The following FHIT variants were observed in gnomAD, a reference collection of about 807,000 sequenced individuals.
FHIT encodes the protein fragile histidine triad diadenosine triphosphatase.
Under a neutral mutation model 17.9 loss-of-function variants are expected in FHIT, and 19 were observed. The observed-to-expected ratio is 1.06, with a 90% CI of 0.74 to 1.56. The LOEUF is 1.56. Among genes scored for constraint, FHIT ranks in the 40% most tolerant of loss-of-function variants. FHIT has a pLI of 0.00. For missense variants in FHIT, 248 were observed against 189.2 expected, an observed-to-expected ratio of 1.31 and a Z score of -1.82; for synonymous variants, 81 against 69.7, an observed-to-expected ratio of 1.16 and a Z score of -0.81.
chr3:60,587,301 T>C (rs2037938442), intron 4 of FHIT, among the ~76,000 whole-genome samples: 1 of 151,902 alleles, frequency 6.6e-6, no homozygotes, highest in African/African-American at 2.4e-5. Context: ...AGCTGAACAA[T>C]GAGAACACAT....
At chr3:60,521,609 A>G (rs753250581) in intron 5 of FHIT, among the ~76,000 whole-genome samples, 1 of 152,198 alleles carries the variant, frequency 6.6e-6, no homozygotes, top group Non-Finnish European at 1.5e-5. Context: ...TCTGACTTCC[A>G]TATCACCTTG....
chr3:61,081,348 T>A (rs1023887381), intron 2 of FHIT, among the ~76,000 whole-genome samples: 1 of 152,188 alleles, frequency 6.6e-6, no homozygotes, highest in African/African-American at 2.4e-5. Flanking sequence ...CAGCCCTCTC[T>A]GAAATGCTTT....
At chr3:60,420,647 G>A (rs533227046) in intron 5 of FHIT, among the ~76,000 whole-genome samples, 2 of 152,028 alleles carry the variant, frequency 1.3e-5, no homozygotes, top group East Asian at 3.9e-4. Context: ...CCTTTTTACT[G>A]GCTATTTCTC....
At chr3:61,052,375 A>T (rs1215528351) in intron 2 of FHIT, among the ~76,000 whole-genome samples, 4 of 152,160 alleles carry the variant, frequency 2.6e-5, no homozygotes, top group Admixed American at 6.5e-5. Flanking sequence ...CCCAAGTTCG[A>T]CAGCCGGTAA....
intron 3 of FHIT, among the ~76,000 whole-genome samples, chr3:60,978,303 C>T (rs1710348632): frequency 6.6e-6 from 1 of 152,100 alleles, no homozygotes. Context: ...TAGAGTGGGG[C>T]CTCAAATTCT....
chr3:60,014,069 G>A lies in FHIT; in HGVS notation c.187C>T (p.Gln63Ter). 1 of 1,613,996 alleles carries A rather than the reference G, an allele frequency of 6.2e-7. No homozygotes were observed. The highest frequency in any genetic ancestry group is 8.5e-7 in the Non-Finnish European group (1 of 1,179,960). Residue 63 changes from glutamine to a stop codon, truncating the protein, a stop_gained, in exon 6 of 10, where the codon CAG becomes TAG. Coordinates refer to ENST00000492590, the MANE Select transcript of FHIT (RefSeq NM_002012.4). LOFTEE classifies it high-confidence loss of function. Reference protein sequence around the residue: ...DEVADLFQTTQRVGTVVEKHF... With the variant: ...DEVADLFQTT ...TTTTCCACCACTGTCCCGACTCTCTGGGTCGTCTGAAACAAATCGGCCACT... is the reference window on the plus strand; with the variant it reads ...TTTTCCACCACTGTCCCGACTCTCTAGGTCGTCTGAAACAAATCGGCCACT...
intron 5 of FHIT, among the ~76,000 whole-genome samples, chr3:60,246,224 A>C (rs1705387997): frequency 1.3e-5 from 2 of 152,108 alleles, no homozygotes; most frequent in Non-Finnish European, 2.9e-5. Context: ...TCTTTTTAGA[A>C]CAGTTATACT....
intron 1 of FHIT, among the ~76,000 whole-genome samples, chr3:61,240,523 A>G (rs1318152301): frequency 6.6e-6 from 1 of 152,134 alleles, no homozygotes; most frequent in Non-Finnish European, 1.5e-5. Context: ...AACAATTCCA[A>G]GTGGTAGGCA....
At chr3:60,831,532 G>C (rs77085415) in intron 3 of FHIT, among the ~76,000 whole-genome samples, 2,169 of 152,226 alleles carry the variant, frequency 0.014, 54 homozygotes, top group African/African-American at 0.049. Context: ...ATGGAGAAGA[G>C]AGAGCACTGA....
intron 5 of FHIT, among the ~76,000 whole-genome samples, chr3:60,467,141 AT>A (rs986222226): frequency 9.9e-5 from 15 of 151,908 alleles, no homozygotes; most frequent in African/African-American, 3.6e-4. Flanking sequence ...AGGTTTTCCA[AT>A]TTATTGGTAT....
intron 7 of FHIT, among the ~76,000 whole-genome samples, chr3:59,998,475 G>A (rs3821485): frequency 0.036 from 5,428 of 152,196 alleles, 123 homozygotes; most frequent in East Asian, 0.075. Context: ...ACTGAAAAGA[G>A]GGATTTTATG....
chr3:60,398,643 T>C (rs915838088), intron 5 of FHIT, among the ~76,000 whole-genome samples: 4 of 152,198 alleles, frequency 2.6e-5, no homozygotes, highest in African/African-American at 9.6e-5. Context: ...AGAATTGTAA[T>C]GTTTGTCTGA....
In FHIT at chr3:61,076,989, T is replaced by A. The variant is rs115505444; in HGVS notation, c.-163-34890A>T. On this transcript the variant is annotated intron_variant, in intron 2 of 9. Coordinates refer to ENST00000492590, the MANE Select transcript of FHIT (RefSeq NM_002012.4). ...TAAGTCAAGGAGACAGGTGTGTAAA[T>A]ACCTAACCAAACTTACAGGCAGGAT... 8.5e-3 allele frequency among the ~76,000 whole-genome samples: 1,295 copies of A among 152,274 alleles called. 16 individuals carry two copies. The highest frequency in any genetic ancestry group is 0.029 in the African/African-American group (1,222 of 41,572).
At chr3:61,040,955 G>C (rs2033479173) in intron 3 of FHIT, among the ~76,000 whole-genome samples, 1 of 152,084 alleles carries the variant, frequency 6.6e-6, no homozygotes, top group Non-Finnish European at 1.5e-5. Context: ...TCTTATCCTT[G>C]GCAGCCATTT....
chr3:59,783,678 A>T (rs1338802189), intron 8 of FHIT, among the ~76,000 whole-genome samples: 1 of 152,238 alleles, frequency 6.6e-6, no homozygotes, highest in East Asian at 1.9e-4. Context: ...GGTGTTTGGC[A>T]GCATCCTTGG....
chr3:60,505,674 T>A (rs6783772), intron 5 of FHIT, among the ~76,000 whole-genome samples: 1 of 152,048 alleles, frequency 6.6e-6, no homozygotes, highest in African/African-American at 2.4e-5. Context: ...ATTTGGGCTC[T>A]GTTTTTGATT....
intron 5 of FHIT, among the ~76,000 whole-genome samples, chr3:60,209,278 C>A (rs2107512078): frequency 6.6e-6 from 1 of 152,304 alleles, no homozygotes; most frequent in South Asian, 2.1e-4. Flanking sequence ...AGTATTCCAA[C>A]TCAGTGCTCT....
chr3:60,751,048 G>T (rs1553716696), intron 4 of FHIT, among the ~76,000 whole-genome samples: 1 of 152,190 alleles, frequency 6.6e-6, no homozygotes, highest in Non-Finnish European at 1.5e-5. Flanking sequence ...CTAACAAACT[G>T]CTGTCTCACT....
rs1427972808 is a variant in FHIT, at chr3:59,750,211, TAAAGTTCTTA to T, written c.*6-642_*6-633del. On this transcript the variant is annotated intron_variant, in intron 9 of 9. Transcript: ENST00000492590. ...TTTGGGTAATAAGTTTGAATCTTCT[TAAAGTTCTTA>T]AAGTGTCTAGAAAAAGCATTCTAAG... 2.2e-5 allele frequency: 5 copies of T among 225,644 alleles called. No individual in the cohort carries two copies. In the Admixed American group the frequency reaches 2.3e-4, roughly 10 times the overall value. 14.0% of individuals were successfully genotyped at this position (225,644 alleles called of 1,614,324 possible).
Sources: allele counts gnomAD v4.1 joint callset (sites outside exome capture counted in the v4.1 genomes callset), GRCh38; gene constraint gnomAD v4.1.1; transcripts MANE v1.5; gene names NCBI Gene and HGNC (gene_info 2026-07-23, HGNC 2026-07-21).